DOCK11: variants seen among roughly 807,000 people sequenced by gnomAD.
DOCK11 encodes dedicator of cytokinesis protein 11.
Under a neutral mutation model 169.1 loss-of-function variants are expected in DOCK11, and 70 were observed. The observed-to-expected ratio is 0.41, with a 90% CI of 0.34 to 0.51. The LOEUF (loss-of-function observed/expected upper bound fraction) is 0.51, where lower values mean the gene tolerates loss of function less well. Ranked by LOEUF, DOCK11 falls within the 20% of genes least tolerant of loss-of-function variation. The pLI is 0.10. For synonymous variants in DOCK11, 529 were observed against 541.3 expected, an observed-to-expected ratio of 0.98 and a Z score of 0.32; for missense variants, 1,166 against 1,538.8, an observed-to-expected ratio of 0.76 and a Z score of 4.05.
chrX:118,553,961 C>T (rs752636265), intron 6 of DOCK11, among the ~76,000 whole-genome samples: 47 of 111,904 alleles, frequency 4.2e-4, no homozygotes, highest in African/African-American at 1.5e-3. Context: ...ATGTGTCAGA[C>T]ACTATTGGGT....
In DOCK11 at chrX:118,585,102, C is replaced by T. The variant is rs373329406; in HGVS notation, c.1780C>T (p.Pro594Ser). 1.0e-5 allele frequency: 12 copies of T among 1,203,227 alleles called. No homozygotes were observed. The highest frequency in any genetic ancestry group is 1.3e-5 in the Non-Finnish European group (12 of 889,507). The stretch of plus-strand genomic sequence containing the variant: ...GCTAAACATCACAGTAGAATGTGTT[C>T]CTGTGGATTTATCAAGTAAGAACAT... ...GQLNITVECV[P>S]VDLSNCITSS... The change falls in exon 16 of 53, where the codon CCT becomes TCT. Residue 594 changes from proline (P) to serine (S), a missense_variant. Transcript: ENST00000276202.
intron 10 of DOCK11, 78 bp from the exon 11 acceptor site, chrX:118,572,245 G>A: frequency 1.1e-6 from 1 of 914,887 alleles, no homozygotes; most frequent in Non-Finnish European, 1.5e-6. Context: ...TTGGATTTTT[G>A]CCATTTTTTG....
chrX:118,671,255 A>G, intron 46 of DOCK11, 110 bp downstream of exon 46: 2 of 688,979 alleles, frequency 2.9e-6, no homozygotes, highest in South Asian at 4.4e-5. Flanking sequence ...TCTGAAGAAT[A>G]TAAGGTTCAT....
chrX:118,500,531 T>C (rs1456328828), intron 1 of DOCK11, among the ~76,000 whole-genome samples: 3 of 111,905 alleles, frequency 2.7e-5, no homozygotes, highest in Non-Finnish European at 5.6e-5. Flanking sequence ...ATATATACTG[T>C]ATATATAGAT....
At chrX:118,506,928 A>G (rs2057616706) in intron 1 of DOCK11, among the ~76,000 whole-genome samples, 1 of 111,047 alleles carries the variant, frequency 9.0e-6, no homozygotes, top group South Asian at 3.7e-4. Flanking sequence ...TTCCAAAAAA[A>G]TAAAAAGAAT....
chrX:118,564,709 C>A (rs867203728), intron 7 of DOCK11, among the ~76,000 whole-genome samples: 1 of 86,398 alleles, frequency 1.2e-5, no homozygotes, highest in Admixed American at 1.4e-4. Context: ...GTTTCTTTCT[C>A]TTTCTCTCTC....
At position 118,582,001 on chromosome X, in the gene DOCK11, G is replaced by A. The variant is rs748430125; in HGVS notation, c.1595+1822G>A. Among the ~76,000 whole-genome samples, 50 of 108,165 alleles carry A rather than the reference G, an allele frequency of 4.6e-4. No homozygotes were observed. The South Asian group carries it at 5.3e-3, about 11-fold the overall frequency. The allele number at this position is 108,165 out of a possible 115,157, so 93.9% of individuals were successfully genotyped here. On this transcript the variant is annotated intron_variant, in intron 14 of 52. Transcript: ENST00000276202. ...AAAAATTAGCCGGGCGTGATGGCAG[G>A]CGCCTGTAATCCCAGCTACTCGGGA...
chrX:118,531,184 A>C (rs1327409479), intron 1 of DOCK11, among the ~76,000 whole-genome samples: 2 of 109,508 alleles, frequency 1.8e-5, no homozygotes, highest in Non-Finnish European at 3.8e-5. Context: ...GGTTGGGTGC[A>C]GTGGCTCATG....
intron 1 of DOCK11, among the ~76,000 whole-genome samples, chrX:118,522,587 A>C (rs1603029351): frequency 8.9e-6 from 1 of 111,886 alleles, no homozygotes; most frequent in East Asian, 2.8e-4. Flanking sequence ...GAAGTAGTTG[A>C]AATGGTCCCA....
intron 1 of DOCK11, among the ~76,000 whole-genome samples, chrX:118,531,538 G>T (rs1369575573): frequency 2.7e-5 from 2 of 74,063 alleles, no homozygotes; most frequent in Non-Finnish European, 4.8e-5. Context: ...TTAACCATTT[G>T]AAGTGTGTAT....
rs2013087407 is a variant in DOCK11, at chrX:118,566,600, G to A, written c.898G>A (p.Ala300Thr). 1 of 1,209,717 alleles carries A rather than the reference G, an allele frequency of 8.3e-7. No homozygotes were observed. Among genetic ancestry groups the A allele is most frequent in the African/African-American group, 1.7e-5 (1 of 57,217 alleles). The change falls in exon 9 of 53, where the codon GCC becomes ACC. Residue 300 changes from alanine (A) to threonine (T), a missense_variant. Coordinates refer to ENST00000276202, the MANE Select transcript of DOCK11 (RefSeq NM_144658.4). ...QDDETSSQGK[A>T]ENIMASLERS... The stretch of plus-strand genomic sequence containing the variant: ...TGATGAAACTAGCAGCCAAGGAAAA[G>A]CCGAGAACATCATGGCAAGTTTGGA...
At chrX:118,523,524 TA>T (rs1449289356) in intron 1 of DOCK11, among the ~76,000 whole-genome samples, 1 of 111,997 alleles carries the variant, frequency 8.9e-6, no homozygotes, top group Non-Finnish European at 1.9e-5. Flanking sequence ...AACAAATCAG[TA>T]CTTTGTAGAG....
chrX:118,660,396 T>C (rs1391506831), intron 44 of DOCK11, among the ~76,000 whole-genome samples: 1 of 112,029 alleles, frequency 8.9e-6, no homozygotes, highest in Non-Finnish European at 1.9e-5. Context: ...AGAGGTCTTG[T>C]AACAGACCAT....
At chrX:118,681,310 C>T in intron 50 of DOCK11, 62 bp downstream of exon 50, 1 of 1,013,040 alleles carries the variant, frequency 9.9e-7, no homozygotes, top group Non-Finnish European at 1.3e-6. Context: ...TTTATAAGGG[C>T]ACAGAGCAAG....
chrX:118,516,018 T>TATAC (rs1269373292), intron 1 of DOCK11, among the ~76,000 whole-genome samples: 1 of 81,501 alleles, frequency 1.2e-5, no homozygotes, highest in Non-Finnish European at 2.3e-5. Context: ...TATATATATA[T>TATAC]ACATTCTTAC....
rs749441999 is a variant in DOCK11 at position 118,676,650 on chromosome X, C to G, written c.5373C>G (p.Gly1791=). ...EYIYKEPKLT[G]LSEISLRLVK... is the part of the protein sequence containing the mutation. ...TCTATAAAGAACCAAAGCTCACTGG[C>G]CTCTCAGAAATTTCCTTGAGACTTG... The change falls in exon 48 of 53, where the codon GGC becomes GGG. Residue 1791 remains glycine (G), a synonymous_variant. Coordinates refer to ENST00000276202, the MANE Select transcript of DOCK11 (RefSeq NM_144658.4). The G allele has an allele frequency of 4.6e-5, 55 of 1,200,356 alleles. No homozygotes were observed. The highest frequency in any genetic ancestry group is 2.4e-5 in the Non-Finnish European group (21 of 888,236).
chrX:118,558,145 G>A (rs1476220893), intron 6 of DOCK11, among the ~76,000 whole-genome samples: 1 of 108,834 alleles, frequency 9.2e-6, no homozygotes, highest in African/African-American at 3.4e-5. Flanking sequence ...GCTAATTTTT[G>A]CATTTTTAAT....
intron 40 of DOCK11, among the ~76,000 whole-genome samples, chrX:118,647,850 A>C (rs2015776702): frequency 1.9e-5 from 1 of 53,891 alleles, no homozygotes; most frequent in African/African-American, 8.3e-5. Flanking sequence ...TATATATTAT[A>C]ATATAATATT....
chrX:118,569,076 T>C (rs2013182969), intron 10 of DOCK11, among the ~76,000 whole-genome samples: 2 of 100,250 alleles, frequency 2.0e-5, no homozygotes, highest in Non-Finnish European at 4.0e-5. Context: ...TCTCTCTTCT[T>C]TCTTTCTTTC....
Sources: gnomAD v4.1 joint callset for allele counts (sites outside exome capture counted in the v4.1 genomes callset) on GRCh38, gnomAD v4.1.1 for gene constraint, MANE v1.5 for transcripts, NCBI Gene and HGNC (gene_info 2026-07-23, HGNC 2026-07-21) for gene names.